SNX7: variants seen among roughly 807,000 people sequenced by gnomAD.
The protein encoded by SNX7 is sorting nexin 7.
In SNX7, 35 loss-of-function variants were observed where a neutral mutation model predicts 48.4. The ratio of observed to expected loss-of-function variants is 0.72; its 90% CI spans 0.55 to 0.96. The LOEUF (loss-of-function observed/expected upper bound fraction) is 0.96. Among genes scored for constraint, SNX7 ranks in the 40% least tolerant of loss-of-function variants. SNX7 has a pLI of 0.00. For missense variants in SNX7, 553 were observed against 548.9 expected, an observed-to-expected ratio of 1.01 and a Z score of -0.07; for synonymous variants, 190 against 190.2, an observed-to-expected ratio of 1.00 and a Z score of 0.01.
Position 98,661,874 on chromosome 1 carries a change from TGGACGA to T in SNX7, c.156_161del (p.Glu52_Asp53del), listed in dbSNP as rs911169395. On this transcript the variant is annotated inframe_deletion, in exon 1 of 9. Coordinates refer to ENST00000306121, the MANE Select transcript of SNX7 (RefSeq NM_015976.5). ...CTGCTGCAGGCGGAGGTGCTGGATC[TGGACGA>T]GGACGAGGACGACCTGGAGGTGTTC... 9 of 1,246,888 alleles carry T rather than the reference TGGACGA, an allele frequency of 7.2e-6. No individual in the cohort carries two copies. In the African/African-American group the frequency reaches 1.4e-4, roughly 19 times the overall value. 77.2% of individuals were successfully genotyped at this position (1,246,888 alleles called of 1,614,324 possible).
intron 1 of SNX7, 126 bp from the exon 2 acceptor site, chr1:98,684,759 C>A: frequency 3.3e-6 from 2 of 612,006 alleles, no homozygotes; most frequent in Non-Finnish European, 2.6e-6. Context: ...TTCAGTATAC[C>A]ACATTTAACT....
At chr1:98,736,610 A>T (rs555823878) in intron 7 of SNX7, among the ~76,000 whole-genome samples, 2 of 152,312 alleles carry the variant, frequency 1.3e-5, no homozygotes, top group Admixed American at 6.5e-5. Context: ...TAAACAAGAG[A>T]GTGAAAAAAT....
At chr1:98,739,443 A>G (rs1288968879) in intron 8 of SNX7, among the ~76,000 whole-genome samples, 1 of 152,166 alleles carries the variant, frequency 6.6e-6, no homozygotes, top group Non-Finnish European at 1.5e-5. Flanking sequence ...TTTATTCACC[A>G]AGAGTTAATT....
At chr1:98,710,888 AT>A (rs35480203) in intron 7 of SNX7, among the ~76,000 whole-genome samples, 2 of 152,224 alleles carry the variant, frequency 1.3e-5, no homozygotes, top group East Asian at 3.9e-4. Context: ...CGCTTAAAGA[AT>A]TTTTTTTGAA....
At chr1:98,666,829 T>C (rs1347699005) in intron 1 of SNX7, among the ~76,000 whole-genome samples, 1 of 152,210 alleles carries the variant, frequency 6.6e-6, no homozygotes, top group Non-Finnish European at 1.5e-5. Flanking sequence ...ACTGTGCTTT[T>C]TGGAGCACCA....
At chr1:98,717,546 A>G (rs916366950) in intron 7 of SNX7, among the ~76,000 whole-genome samples, 5 of 152,154 alleles carry the variant, frequency 3.3e-5, no homozygotes, top group South Asian at 2.1e-4. Flanking sequence ...ATCCTCAGAA[A>G]ATACTTACCA....
Position 98,721,877 on chromosome 1 carries a change from G to A in SNX7, c.1126-16360G>A, listed in dbSNP as rs564529947. Among the ~76,000 whole-genome samples, 172 of 152,118 alleles carry A rather than the reference G, an allele frequency of 1.1e-3. 2 individuals carry two copies. Among genetic ancestry groups the A allele is most frequent in the Non-Finnish European group, 2.1e-3 (145 of 67,940 alleles). The stretch of plus-strand genomic sequence containing the variant: ...GTGAATTTTTTTGTTTTATTTTTAA[G>A]GAGCCACATCATTTCTTTTTAATAG... On this transcript the variant is annotated intron_variant, in intron 7 of 8. Coordinates refer to ENST00000306121, the MANE Select transcript of SNX7 (RefSeq NM_015976.5).
intron 7 of SNX7, among the ~76,000 whole-genome samples, chr1:98,708,350 A>G (rs542792781): frequency 6.6e-6 from 1 of 152,110 alleles, no homozygotes; most frequent in Non-Finnish European, 1.5e-5. Flanking sequence ...CCTGGCTGAC[A>G]TTTCCTCAAA....
chr1:98,740,345 A>C (rs752874607), intron 8 of SNX7, among the ~76,000 whole-genome samples: 1 of 152,178 alleles, frequency 6.6e-6, no homozygotes, highest in African/African-American at 2.4e-5. Context: ...ACATTACAGA[A>C]TTGTTAAGAA....
chr1:98,711,351 C>T (rs1652297081), intron 7 of SNX7, among the ~76,000 whole-genome samples: 1 of 152,014 alleles, frequency 6.6e-6, no homozygotes, highest in Admixed American at 6.6e-5. Context: ...GTATTCCCAC[C>T]AAATAGAGAA....
intron 7 of SNX7, among the ~76,000 whole-genome samples, chr1:98,727,487 C>T (rs1208096791): frequency 6.6e-5 from 10 of 152,200 alleles, no homozygotes; most frequent in Non-Finnish European, 1.2e-4. Flanking sequence ...GATCACAGCA[C>T]CTCTCCAGCA....
chr1:98,663,660 G>A (rs1396997655), intron 1 of SNX7, among the ~76,000 whole-genome samples: 1 of 152,126 alleles, frequency 6.6e-6, no homozygotes, highest in East Asian at 1.9e-4. Context: ...AGCTCTCTCA[G>A]ACTAAGGAAT....
chr1:98,685,096 T>C (rs563400598), intron 2 of SNX7, 29 bp downstream of exon 2: 1 of 1,336,456 alleles, frequency 7.5e-7, no homozygotes. Flanking sequence ...TTTTCTTGAA[T>C]ATAGCTGCTT....
chr1:98,686,343 G>A (rs1650797325), intron 2 of SNX7, among the ~76,000 whole-genome samples: 1 of 152,042 alleles, frequency 6.6e-6, no homozygotes, highest in Non-Finnish European at 1.5e-5. Flanking sequence ...CAATGAAACT[G>A]AGATAATAGA....
intron 7 of SNX7, among the ~76,000 whole-genome samples, chr1:98,730,752 G>T (rs1653466201): frequency 6.6e-6 from 1 of 152,002 alleles, no homozygotes; most frequent in African/African-American, 2.4e-5. Flanking sequence ...GAAATCAGAG[G>T]ACACAAACAA....
intron 8 of SNX7, among the ~76,000 whole-genome samples, chr1:98,753,060 A>G (rs1421668911): frequency 6.6e-6 from 1 of 152,096 alleles, no homozygotes; most frequent in Non-Finnish European, 1.5e-5. Flanking sequence ...AAACACACTT[A>G]GACCATTTGA....
intron 1 of SNX7, among the ~76,000 whole-genome samples, chr1:98,676,382 G>C (rs558944519): frequency 6.6e-6 from 1 of 152,104 alleles, no homozygotes; most frequent in South Asian, 2.1e-4. Context: ...TAAATTTTCT[G>C]TGTCTGATTA....
At chr1:98,667,596 G>C (rs1649603861) in intron 1 of SNX7, among the ~76,000 whole-genome samples, 2 of 151,502 alleles carry the variant, frequency 1.3e-5, no homozygotes, top group Middle Eastern at 3.4e-3. Context: ...TGTCCAGGCT[G>C]GTCTCGAATT....
chr1:98,700,728 T>G (rs1387048427), intron 6 of SNX7, among the ~76,000 whole-genome samples: 4 of 152,112 alleles, frequency 2.6e-5, no homozygotes, highest in Non-Finnish European at 5.9e-5. Context: ...TTGAATGTCT[T>G]AAGAGTCATT....
Sources: gnomAD v4.1 joint callset for allele counts (sites outside exome capture counted in the v4.1 genomes callset) on GRCh38, gnomAD v4.1.1 for gene constraint, MANE v1.5 for transcripts, NCBI Gene and HGNC (gene_info 2026-07-23, HGNC 2026-07-21) for gene names.